GFRA1: variants seen among roughly 807,000 people sequenced by gnomAD.
GFRA1 encodes the protein GDNF family receptor alpha 1, also known as GDNF family receptor alpha-1.
Under a neutral mutation model 51.6 loss-of-function variants are expected in GFRA1, and 16 were observed. That is an observed-to-expected ratio of 0.31 (90% CI 0.21 to 0.47). The LOEUF is 0.47. Among genes scored for constraint, GFRA1 ranks in the 20% least tolerant of loss-of-function variants. GFRA1 has a pLI of 1.00. For missense variants in GFRA1, 530 were observed against 594.3 expected (o/e 0.89, Z 1.13); for synonymous variants, 270 against 241.3 (o/e 1.12, Z -1.10).
At chr10:116,149,528 G>A (rs1213039690) in intron 5 of GFRA1, among the ~76,000 whole-genome samples, 1 of 152,120 alleles carries the variant, frequency 6.6e-6, no homozygotes, top group Non-Finnish European at 1.5e-5. Flanking sequence ...CCCCCTGTAG[G>A]AAGACACCTA....
chr10:116,242,717 G>A (rs1352627271), intron 4 of GFRA1, among the ~76,000 whole-genome samples: 2 of 151,990 alleles, frequency 1.3e-5, no homozygotes, highest in African/African-American at 4.8e-5. Flanking sequence ...CCTGACCTCA[G>A]GTGATCCGCC....
intron 9 of GFRA1, among the ~76,000 whole-genome samples, chr10:116,082,159 G>A (rs899073997): frequency 2.6e-5 from 4 of 152,068 alleles, no homozygotes; most frequent in South Asian, 2.1e-4. Context: ...GAGATGTGGC[G>A]GGGACCGTGG....
At chr10:116,113,401 G>T (rs957346210) in intron 6 of GFRA1, among the ~76,000 whole-genome samples, 2 of 152,094 alleles carry the variant, frequency 1.3e-5, no homozygotes, top group African/African-American at 4.8e-5. Context: ...GCATAAAGGA[G>T]TCCAGAAACC....
At chr10:116,251,865 C>T (rs1165163841) in intron 4 of GFRA1, among the ~76,000 whole-genome samples, 3 of 150,316 alleles carry the variant, frequency 2.0e-5, no homozygotes, top group Non-Finnish European at 4.4e-5. Context: ...TGAGTAAGGG[C>T]AGAGGAGCAG....
At chr10:116,111,085 A>T (rs1292923761) in intron 6 of GFRA1, among the ~76,000 whole-genome samples, 1 of 152,216 alleles carries the variant, frequency 6.6e-6, no homozygotes, top group African/African-American at 2.4e-5. Flanking sequence ...ACATGCAAAA[A>T]GTGACAAGAA....
intron 6 of GFRA1, among the ~76,000 whole-genome samples, chr10:116,124,375 G>A (rs1235729933): frequency 6.6e-6 from 1 of 151,646 alleles, no homozygotes; most frequent in Non-Finnish European, 1.5e-5. Flanking sequence ...GATTACAGGC[G>A]CCTGCCACCA....
At chr10:116,174,585 C>T (rs1961397935) in intron 5 of GFRA1, among the ~76,000 whole-genome samples, 1 of 152,148 alleles carries the variant, frequency 6.6e-6, no homozygotes, top group Admixed American at 6.5e-5. Context: ...TAATAGGCTT[C>T]CATTTAAGAA....
intron 9 of GFRA1, among the ~76,000 whole-genome samples, chr10:116,078,397 A>T (rs1955706072): frequency 6.6e-6 from 1 of 152,194 alleles, no homozygotes; most frequent in Non-Finnish European, 1.5e-5. Flanking sequence ...GGAGCCAAGA[A>T]GATGAAGTCC....
chr10:116,215,559 T>C (rs1965503846), intron 4 of GFRA1, among the ~76,000 whole-genome samples: 1 of 152,240 alleles, frequency 6.6e-6, no homozygotes, highest in Non-Finnish European at 1.5e-5. Context: ...GTCACGGGGC[T>C]GAGAAGGTAA....
chr10:116,062,278 C>A lies in GFRA1; in HGVS notation c.*2120G>T. The A allele has an allele frequency of 2.5e-6, 1 of 396,782 alleles. No individual in the cohort carries two copies. Among genetic ancestry groups the A allele is most frequent in the South Asian group, 1.4e-4 (1 of 7,084 alleles). The allele number at this position is 396,782 out of a possible 1,614,324, so 24.6% of individuals were successfully genotyped here. On this transcript the variant is annotated 3_prime_UTR_variant, in exon 11 of 11. Coordinates refer to ENST00000355422, the MANE Select transcript of GFRA1 (RefSeq NM_005264.8). ...TACCTTAATGAAAACAAAATACACT[C>A]TGTAAGAGATATGCGCTCATAGATA... is the stretch of plus-strand genomic sequence containing the variant.
intron 4 of GFRA1, chr10:116,255,852 T>C (rs1057106024): frequency 1.2e-6 from 1 of 812,140 alleles, no homozygotes; most frequent in African/African-American, 1.8e-5. Flanking sequence ...AAGTGTAGAG[T>C]AGAAAATCAG....
chr10:116,174,728 A>T (rs979333456), intron 5 of GFRA1, among the ~76,000 whole-genome samples: 2 of 152,190 alleles, frequency 1.3e-5, no homozygotes, highest in East Asian at 1.9e-4. Flanking sequence ...CTCTAGTCAC[A>T]GCTCTGAATT....
At position 116,255,900 on chromosome 10, in the gene GFRA1, G is replaced by C. The variant is rs191353960; in HGVS notation, c.418+13603C>G. ...ACTGGTAATTGGAATTTCGGGTATG[G>C]CTATTGTTTTTCTTTTCAGAGCAGA... On this transcript the variant is annotated intron_variant, in intron 4 of 10. Transcript: ENST00000355422. The C allele has an allele frequency of 1.3e-3, 288 of 216,446 alleles. 1 individual carries two copies. The highest frequency in any genetic ancestry group is 6.5e-3 in the African/African-American group (278 of 42,692). The allele number at this position is 216,446 out of a possible 1,614,324, so 13.4% of individuals were successfully genotyped here.
upstream of GFRA1, among the ~76,000 whole-genome samples, chr10:116,274,199 C>A (rs1252810377): frequency 1.3e-5 from 2 of 148,868 alleles, no homozygotes; most frequent in African/African-American, 2.4e-5. Context: ...CTCCCCTTCC[C>A]GCACGCCGGG....
intron 4 of GFRA1, among the ~76,000 whole-genome samples, chr10:116,233,003 A>C (rs1589894327): frequency 6.6e-6 from 1 of 152,322 alleles, no homozygotes; most frequent in East Asian, 1.9e-4. Context: ...GATTCTAAAA[A>C]GCCACCTTTA....
intron 6 of GFRA1, 114 bp from the exon 7 acceptor site, chr10:116,096,878 C>T: frequency 1.9e-5 from 4 of 210,804 alleles, no homozygotes; most frequent in Middle Eastern, 7.4e-4. Flanking sequence ...TGCACACGCA[C>T]ACGCACACAC....
At chr10:116,147,058 G>C (rs1243293488) in intron 5 of GFRA1, among the ~76,000 whole-genome samples, 1 of 151,798 alleles carries the variant, frequency 6.6e-6, no homozygotes, top group Non-Finnish European at 1.5e-5. Flanking sequence ...GAGAGAGAGA[G>C]ATCAGATGCA....
chr10:116,068,369 G>A (rs541925801), intron 9 of GFRA1, among the ~76,000 whole-genome samples: 2 of 152,350 alleles, frequency 1.3e-5, no homozygotes, highest in South Asian at 4.1e-4. Flanking sequence ...AGCTCTGTGA[G>A]TCTGATTAGC....
rs529380982 is a variant in GFRA1, at chr10:116,093,992, C to T, written c.881-156G>A. Among the ~76,000 whole-genome samples the T allele has an allele frequency of 9.2e-5, 14 of 152,248 alleles. No homozygotes were observed. The East Asian group carries it at 1.9e-3, about 21-fold the overall frequency. On this transcript the variant is annotated intron_variant, in intron 7 of 10. Transcript: ENST00000355422. ...AATTATGTTAAGCAGTGCATTTTCTCGGCAATTTATCTTGAGCACATAAAA... is the reference window on the plus strand; with the variant it reads ...AATTATGTTAAGCAGTGCATTTTCTTGGCAATTTATCTTGAGCACATAAAA...
Sources: gnomAD v4.1 joint callset for allele counts (sites outside exome capture counted in the v4.1 genomes callset) on GRCh38, gnomAD v4.1.1 for gene constraint, MANE v1.5 for transcripts, NCBI Gene and HGNC (gene_info 2026-07-23, HGNC 2026-07-21) for gene names.